Variants in FBXO28 observed in about 807,000 individuals in gnomAD.
The protein encoded by FBXO28 is F-box protein 28, also known as F-box only protein 28.
A neutral mutation model predicts 38.1 loss-of-function variants in FBXO28; 8 were observed. The observed-to-expected ratio is 0.21, with a 90% confidence interval of 0.12 to 0.38. The LOEUF is 0.38. Ranked by LOEUF, FBXO28 falls within the 10% of genes least tolerant of loss-of-function variation. The pLI is 1.00. For synonymous variants in FBXO28, 168 were observed against 173.8 expected, an observed-to-expected ratio of 0.97 and a Z score of 0.26; for missense variants, 345 against 460.6, an observed-to-expected ratio of 0.75 and a Z score of 2.30.
chr1:224,124,757 G>C (rs192189162), intron 1 of FBXO28, among the ~76,000 whole-genome samples: 1 of 152,038 alleles, frequency 6.6e-6, no homozygotes. Flanking sequence ...ATGGAGTCTC[G>C]CTCTGTCACC....
intron 2 of FBXO28, among the ~76,000 whole-genome samples, chr1:224,132,634 A>T (rs1447215928): frequency 6.6e-6 from 1 of 152,000 alleles, no homozygotes; most frequent in Admixed American, 6.6e-5. Flanking sequence ...GGTGAAACCC[A>T]GTCTCTACTA....
intron 3 of FBXO28, among the ~76,000 whole-genome samples, chr1:224,146,552 A>C (rs1169372867): frequency 6.6e-6 from 1 of 152,140 alleles, no homozygotes; most frequent in Non-Finnish European, 1.5e-5. Flanking sequence ...ACTGTGTGTT[A>C]GAAATGTGAT....
chr1:224,114,295 G>A lies in FBXO28; in HGVS notation c.166G>A (p.Asp56Asn). The A allele has an allele frequency of 6.4e-7, 1 of 1,562,634 alleles. No individual in the cohort carries two copies. The highest frequency in any genetic ancestry group is 1.2e-5 in the South Asian group (1 of 85,080). The part of the protein sequence containing the change: ...QALPAPALAP[D>N]QLPQNNTLVA... ...GCTCCCAGCCCCCGCGCTGGCTCCG[G>A]ACCAGCTGCCTCAAAACAACACGCT... Residue 56 changes from aspartate (D) to asparagine (N), a missense_variant, in exon 1 of 5, where the codon GAC becomes AAC. Physicochemically the swap from Asp to Asn is conservative, Grantham distance 23. Coordinates refer to ENST00000366862, the MANE Select transcript of FBXO28 (RefSeq NM_015176.4).
chr1:224,148,072 A>T (rs909174592), intron 3 of FBXO28, among the ~76,000 whole-genome samples: 2 of 152,216 alleles, frequency 1.3e-5, no homozygotes, highest in Admixed American at 6.5e-5. Flanking sequence ...CCATTTGACT[A>T]AAATAATCTC....
chr1:224,136,821 G>T (rs1657200367), intron 3 of FBXO28, among the ~76,000 whole-genome samples: 1 of 151,240 alleles, frequency 6.6e-6, no homozygotes, highest in Non-Finnish European at 1.5e-5. Context: ...GTGCAATCTT[G>T]GCTCACCGCA....
intron 3 of FBXO28, among the ~76,000 whole-genome samples, chr1:224,144,601 T>TA (rs1203878438): frequency 6.7e-6 from 1 of 150,278 alleles, no homozygotes; most frequent in Non-Finnish European, 1.5e-5. Context: ...CTACTAAAAA[T>TA]ACCAAAATTA....
rs144200811 is a variant in FBXO28, at chr1:224,146,365, G to A, written c.517-6777G>A. ...AAGGAAATCTCAAGTACAACAAAAA[G>A]ACAGATGAAAAATGAGAAAAAAATG... On this transcript the variant is annotated intron_variant, in intron 3 of 4. Coordinates refer to ENST00000366862, the MANE Select transcript of FBXO28 (RefSeq NM_015176.4). Among the ~76,000 whole-genome samples, 174 of 152,074 alleles carry A rather than the reference G, an allele frequency of 1.1e-3. 1 individual carries two copies. Among genetic ancestry groups the A allele is most frequent in the Admixed American group, 7.8e-3 (119 of 15,246 alleles).
intron 1 of FBXO28, among the ~76,000 whole-genome samples, chr1:224,118,560 C>G (rs989741760): frequency 6.6e-6 from 1 of 152,174 alleles, no homozygotes; most frequent in Non-Finnish European, 1.5e-5. Flanking sequence ...GCTTTTGTCT[C>G]AAGATATTTC....
chr1:224,120,072 C>T (rs112232026), intron 1 of FBXO28, among the ~76,000 whole-genome samples: 2,337 of 152,266 alleles, frequency 0.015, 26 homozygotes, highest in Non-Finnish European at 0.023. Flanking sequence ...TATCTGCATA[C>T]CTTGATAAAC....
intron 1 of FBXO28, among the ~76,000 whole-genome samples, chr1:224,128,941 G>T (rs1056252555): frequency 1.4e-5 from 2 of 144,584 alleles, no homozygotes; most frequent in Admixed American, 7.2e-5. Flanking sequence ...AGCTGTGATC[G>T]TGGCACTGCA....
Position 224,159,556 on chromosome 1 carries a change from A to G in FBXO28, c.*1810A>G, listed in dbSNP as rs1415538205. 1 of 152,650 alleles carries G rather than the reference A, an allele frequency of 6.6e-6. No individual in the cohort carries two copies. Among genetic ancestry groups the G allele is most frequent in the Non-Finnish European group, 1.5e-5 (1 of 68,040 alleles). 9.5% of individuals were successfully genotyped at this position (152,650 alleles called of 1,614,324 possible). ...AATTTCCAAAAAACATTTGTCAGCCAAGGTCATCCATAAAAGTCCCCGTCT... is the reference window on the plus strand; with the variant it reads ...AATTTCCAAAAAACATTTGTCAGCCGAGGTCATCCATAAAAGTCCCCGTCT... On this transcript the variant is annotated 3_prime_UTR_variant, in exon 5 of 5. Coordinates refer to ENST00000366862, the MANE Select transcript of FBXO28 (RefSeq NM_015176.4).
intron 3 of FBXO28, among the ~76,000 whole-genome samples, chr1:224,137,653 C>T (rs1361748961): frequency 6.6e-6 from 1 of 151,804 alleles, no homozygotes; most frequent in Non-Finnish European, 1.5e-5. Flanking sequence ...TTTAGCAGAA[C>T]TGAGAAAGTT....
At position 224,137,192 on chromosome 1, in the gene FBXO28, TTAGA is replaced by T. The variant is rs201379169; in HGVS notation, c.516+2984_516+2987del. On this transcript the variant is annotated intron_variant, in intron 3 of 4. Coordinates refer to ENST00000366862, the MANE Select transcript of FBXO28 (RefSeq NM_015176.4). The stretch of plus-strand genomic sequence containing the variant: ...AGTAGTAGCAACATTATAGTTCAAA[TTAGA>T]TAGCCAAATATGTACCAAAATTTTG... Among the ~76,000 whole-genome samples the T allele has an allele frequency of 5.6e-3, 845 of 151,978 alleles. 22 individuals carry two copies. Among genetic ancestry groups the T allele is most frequent in the African/African-American group, 0.016 (670 of 41,272 alleles).
chr1:224,139,064 T>G (rs1353393722), intron 3 of FBXO28, among the ~76,000 whole-genome samples: 3 of 151,784 alleles, frequency 2.0e-5, no homozygotes, highest in African/African-American at 7.3e-5. Flanking sequence ...ATTACAGATG[T>G]GAGCCACTGC....
intron 4 of FBXO28, among the ~76,000 whole-genome samples, chr1:224,154,429 G>A (rs933293364): frequency 6.7e-6 from 1 of 150,260 alleles, no homozygotes; most frequent in Admixed American, 6.6e-5. Flanking sequence ...CCAGAACTTT[G>A]GGAGGCCGAG....
intron 1 of FBXO28, among the ~76,000 whole-genome samples, chr1:224,116,276 A>G (rs1203957726): frequency 6.6e-6 from 1 of 152,166 alleles, no homozygotes; most frequent in Non-Finnish European, 1.5e-5. Context: ...TGGAAGGTAC[A>G]ATTCAAGTAA....
rs190619632 is a variant in FBXO28 at position 224,136,241 on chromosome 1, T to C, written c.516+2029T>C. On this transcript the variant is annotated intron_variant, in intron 3 of 4. Transcript: ENST00000366862. The stretch of plus-strand genomic sequence containing the variant: ...GATTGTTTTATGAGTGTTCCCTTTT[T>C]TGTACTTCTCATGCTTAAACTTTTC... Among the ~76,000 whole-genome samples the C allele has an allele frequency of 6.4e-3, 974 of 151,748 alleles. 1 individual carries two copies. Among genetic ancestry groups the C allele is most frequent in the Non-Finnish European group, 0.011 (714 of 67,942 alleles).
chr1:224,137,762 C>G (rs779106299), intron 3 of FBXO28, among the ~76,000 whole-genome samples: 2 of 151,760 alleles, frequency 1.3e-5, no homozygotes, highest in Admixed American at 1.3e-4. Flanking sequence ...GAGAGTGGGA[C>G]TGATAACAGG....
intron 3 of FBXO28, among the ~76,000 whole-genome samples, chr1:224,136,774 T>TG (rs1657198566): frequency 6.6e-6 from 1 of 151,124 alleles, no homozygotes; most frequent in South Asian, 2.1e-4. Context: ...GTTTTTGAGA[T>TG]GGGGTCTCGT....
Sources: gnomAD v4.1 joint callset for allele counts (sites outside exome capture counted in the v4.1 genomes callset) on GRCh38, gnomAD v4.1.1 for gene constraint, MANE v1.5 for transcripts, NCBI Gene and HGNC (gene_info 2026-07-23, HGNC 2026-07-21) for gene names.